The following BRIP1 variants were observed in gnomAD, a reference collection of about 807,000 sequenced individuals.
BRIP1 encodes BRCA1 interacting DNA helicase 1.
BRIP1 carries 88 observed loss-of-function variants against 119.7 expected under a neutral mutation model. That is an observed-to-expected ratio of 0.74 (90% CI 0.62 to 0.88). The LOEUF (loss-of-function observed/expected upper bound fraction) is 0.88. Among genes scored for constraint, BRIP1 ranks in the 40% least tolerant of loss-of-function variants. BRIP1 has a pLI of 0.00. For synonymous variants in BRIP1, 443 were observed against 496.5 expected, an observed-to-expected ratio of 0.89 and a Z score of 1.43; for missense variants, 1,259 against 1,455.4, an observed-to-expected ratio of 0.87 and a Z score of 2.20.
rs1255976151 is a variant in BRIP1 at position 61,745,779 on chromosome 17, C to T, written c.2098-1188G>A. On this transcript the variant is annotated intron_variant, in intron 14 of 19. Transcript: ENST00000259008. The surrounding 1 kb of genome is among the most constrained non-coding windows in gnomAD (Gnocchi z 4.4). Reference sequence around the variant, plus strand: ...AGCACTCACAATTCGAAACATGTGGCATACAGCAATGGCAATACATGGAAA... The same window carrying T: ...AGCACTCACAATTCGAAACATGTGGTATACAGCAATGGCAATACATGGAAA... Among the ~76,000 whole-genome samples, 1 of 152,026 alleles carries T rather than the reference C, an allele frequency of 6.6e-6. No individual in the cohort carries two copies. Among genetic ancestry groups the T allele is most frequent in the Non-Finnish European group, 1.5e-5 (1 of 68,010 alleles).
chr17:61,849,297 C>G (rs759829023), intron 4 of BRIP1, 41 bp from the exon 5 acceptor site: 1 of 1,564,806 alleles, frequency 6.4e-7, no homozygotes, highest in South Asian at 1.2e-5. Flanking sequence ...AAATAACTTA[C>G]AGGTAGGCAA....
At chr17:61,716,830 GGA>G (rs2061883140) in intron 16 of BRIP1, among the ~76,000 whole-genome samples, 1 of 151,158 alleles carries the variant, frequency 6.6e-6, no homozygotes, top group Non-Finnish European at 1.5e-5. Flanking sequence ...TTCCACTACT[GGA>G]TTATTAGCTA....
intron 6 of BRIP1, among the ~76,000 whole-genome samples, chr17:61,833,331 T>C (rs575361216): frequency 1.9e-4 from 29 of 152,252 alleles, no homozygotes; most frequent in African/African-American, 6.7e-4. Flanking sequence ...GAATTAAACA[T>C]TTCCACCATA....
chr17:61,772,418 A>G (rs2077469416), intron 14 of BRIP1, among the ~76,000 whole-genome samples: 1 of 151,836 alleles, frequency 6.6e-6, no homozygotes. Context: ...GAATCTGGGG[A>G]GTTATTTTGT....
rs1280489391 is a variant in BRIP1 at position 61,684,805 on chromosome 17, G to A, written c.2906-665C>T. On this transcript the variant is annotated intron_variant, in intron 19 of 19. Transcript: ENST00000259008. The surrounding 1 kb of genome is among the most constrained non-coding windows in gnomAD (Gnocchi z 4.5). The stretch of plus-strand genomic sequence containing the variant: ...TTTTGCTTTTGTTGCCCAGGCTGGA[G>A]TGCAATGGCGCAATCCTGGCTCACT... 1 of 152,002 alleles carries A rather than the reference G, an allele frequency of 6.6e-6. No homozygotes were observed. The highest frequency in any genetic ancestry group is 2.4e-5 in the African/African-American group (1 of 41,354). 9.4% of individuals were successfully genotyped at this position (152,002 alleles called of 1,614,324 possible).
chr17:61,847,220 T>C lies in BRIP1; in HGVS notation c.508A>G (p.Ile170Val), dbSNP rs1603361718. 1 of 1,613,864 alleles carries C rather than the reference T, an allele frequency of 6.2e-7. No homozygotes were observed. The highest frequency in any genetic ancestry group is 8.5e-7 in the Non-Finnish European group (1 of 1,179,838). ...GTTCCAAAGCAATGACGTTTTCTAA[T>C]CTGTAAACACAGAACCAAAATGAAG... ...RIRPLETTQQIRKRHCFGTEV... is the reference protein window; with the variant it reads ...RIRPLETTQQVRKRHCFGTEV... Residue 170 changes from isoleucine to valine, a missense_variant and splice_region_variant, in exon 6 of 20, where the codon ATT (isoleucine) becomes GTT (valine). Coordinates refer to ENST00000259008, the MANE Select transcript of BRIP1 (RefSeq NM_032043.3).
Position 61,815,667 on chromosome 17 carries a change from C to T in BRIP1, c.628-6910G>A, listed in dbSNP as rs2078225902. ...GAAGAATTCAAATTCCCACAAAATA[C>T]ACAATAAATTTGTGGAGAAGTTGAA... On this transcript the variant is annotated intron_variant, in intron 6 of 19. Transcript: ENST00000259008. The surrounding 1 kb of genome is among the most constrained non-coding windows in gnomAD (Gnocchi z 4.1). Among the ~76,000 whole-genome samples the T allele has an allele frequency of 6.6e-6, 1 of 152,130 alleles. No individual in the cohort carries two copies. Among genetic ancestry groups the T allele is most frequent in the African/African-American group, 2.4e-5 (1 of 41,440 alleles).
At position 61,754,219 on chromosome 17, in the gene BRIP1, G is replaced by A. The variant is rs1211653986; in HGVS notation, c.2098-9628C>T. On this transcript the variant is annotated intron_variant, in intron 14 of 19. Transcript: ENST00000259008. The surrounding 1 kb of genome is among the most constrained non-coding windows in gnomAD (Gnocchi z 4.1). ...TCTTACTGTGGTGTGATTTTACCCA[G>A]CTATTTCTTTGGCCGTATCTCCTTC... 2.0e-5 allele frequency among the ~76,000 whole-genome samples: 3 copies of A among 152,204 alleles called. No homozygotes were observed. The highest frequency in any genetic ancestry group is 3.4e-3 in the Middle Eastern group (1 of 294).
At position 61,853,278 on chromosome 17, in the gene BRIP1, G is replaced by C. The variant is rs1379745208; in HGVS notation, c.379+3780C>G. Reference sequence around the variant, plus strand: ...AGTTTCACTCTATTTCTGTAAAAAGGCAAAACTCATCAATGGTCACAGGAG... The same window carrying C: ...AGTTTCACTCTATTTCTGTAAAAAGCCAAAACTCATCAATGGTCACAGGAG... On this transcript the variant is annotated intron_variant, in intron 4 of 19. Transcript: ENST00000259008. This position sits in a 1 kb window ranked among gnomAD's most constrained non-coding sequence, Gnocchi z 4.3. 6.6e-6 allele frequency among the ~76,000 whole-genome samples: 1 copy of C among 151,456 alleles called. No homozygotes were observed. Among genetic ancestry groups the C allele is most frequent in the African/African-American group, 2.4e-5 (1 of 41,210 alleles).
In BRIP1 at chr17:61,681,302, C is replaced by G. The variant is rs2061266549; in HGVS notation, c.*1994G>C. On this transcript the variant is annotated 3_prime_UTR_variant, in exon 20 of 20. Transcript: ENST00000259008. The surrounding 1 kb of genome is among the most constrained non-coding windows in gnomAD (Gnocchi z 5.1). ...AATGAAATAATATGCTTTATTTTAA[C>G]CGTTCTGGAACAAAAGCAAATGAAA... The G allele has an allele frequency of 4.7e-6, 1 of 210,726 alleles. No individual in the cohort carries two copies. Among genetic ancestry groups the G allele is most frequent in the South Asian group, 1.9e-4 (1 of 5,314 alleles). The allele number at this position is 210,726 out of a possible 1,614,324, so 13.1% of individuals were successfully genotyped here.
rs1457595655 is a variant in BRIP1, at chr17:61,853,846, C to A, written c.379+3212G>T. 6.6e-6 allele frequency among the ~76,000 whole-genome samples: 1 copy of A among 152,006 alleles called. No homozygotes were observed. The highest frequency in any genetic ancestry group is 1.5e-5 in the Non-Finnish European group (1 of 67,996). ...GTCTCAAAATTTAACAGTAAGAACA[C>A]AAACTAATAAAAAATAGGCAATTAT... On this transcript the variant is annotated intron_variant, in intron 4 of 19. Coordinates refer to ENST00000259008, the MANE Select transcript of BRIP1 (RefSeq NM_032043.3). This position sits in a 1 kb window ranked among gnomAD's most constrained non-coding sequence, Gnocchi z 4.3.
chr17:61,731,276 C>T (rs1010711508), intron 16 of BRIP1, among the ~76,000 whole-genome samples: 2 of 152,146 alleles, frequency 1.3e-5, no homozygotes, highest in Non-Finnish European at 2.9e-5. Flanking sequence ...AGTATTACAG[C>T]ACTTTAAGTT....
chr17:61,741,699 A>C (rs1309968519), intron 16 of BRIP1, among the ~76,000 whole-genome samples: 2 of 152,232 alleles, frequency 1.3e-5, no homozygotes, highest in Non-Finnish European at 2.9e-5. Context: ...TGAGGAGTAG[A>C]TCTCAATAAT....
Position 61,735,669 on chromosome 17 carries a change from C to T in BRIP1, c.2379+7344G>A, listed in dbSNP as rs2076907809. The stretch of plus-strand genomic sequence containing the variant: ...TTTAAAAATTAGCTGGGTGTGGTGG[C>T]GTGTGGCTGTAGTGCCAGCTACCCA... On this transcript the variant is annotated intron_variant, in intron 16 of 19. Transcript: ENST00000259008. The surrounding 1 kb of genome is among the most constrained non-coding windows in gnomAD (Gnocchi z 4.4). 6.6e-6 allele frequency among the ~76,000 whole-genome samples: 1 copy of T among 151,378 alleles called. No individual in the cohort carries two copies. The highest frequency in any genetic ancestry group is 6.6e-5 in the Admixed American group (1 of 15,206).
chr17:61,714,877 C>T (rs2061835851), intron 17 of BRIP1, among the ~76,000 whole-genome samples: 1 of 148,766 alleles, frequency 6.7e-6, no homozygotes, highest in Admixed American at 6.7e-5. Context: ...TTTTGGCTCA[C>T]TGCAACCCCC....
chr17:61,787,190 T>A (rs2077735260), intron 10 of BRIP1, among the ~76,000 whole-genome samples: 1 of 87,140 alleles, frequency 1.1e-5, no homozygotes. Flanking sequence ...AAATATATTA[T>A]ATACTATATA....
Position 61,687,687 on chromosome 17 carries a change from G to A in BRIP1, c.2576-1522C>T, listed in dbSNP as rs1206761159. The stretch of plus-strand genomic sequence containing the variant: ...CCATAGCTCTTTAGTAATCACTCCT[G>A]GTATTGACTCTGAAAACTGTTTACT... On this transcript the variant is annotated intron_variant, in intron 18 of 19. Coordinates refer to ENST00000259008, the MANE Select transcript of BRIP1 (RefSeq NM_032043.3). This position sits in a 1 kb window ranked among gnomAD's most constrained non-coding sequence, Gnocchi z 5.1. 6.6e-6 allele frequency among the ~76,000 whole-genome samples: 1 copy of A among 151,892 alleles called. No individual in the cohort carries two copies. Among genetic ancestry groups the A allele is most frequent in the Non-Finnish European group, 1.5e-5 (1 of 67,990 alleles).
rs1409262558 is a variant in BRIP1, at chr17:61,810,814, AC to A, written c.628-2058del. 1.3e-5 allele frequency among the ~76,000 whole-genome samples: 2 copies of A among 152,182 alleles called. No homozygotes were observed. Among genetic ancestry groups the A allele is most frequent in the African/African-American group, 4.8e-5 (2 of 41,446 alleles). ...GAATAATTTAGTGTATAACTTACTGACCTTCATATATACATATCTTTCATAT... is the reference window on the plus strand; with the variant it reads ...GAATAATTTAGTGTATAACTTACTGACTTCATATATACATATCTTTCATAT... On this transcript the variant is annotated intron_variant, in intron 6 of 19. Coordinates refer to ENST00000259008, the MANE Select transcript of BRIP1 (RefSeq NM_032043.3). This position sits in a 1 kb window ranked among gnomAD's most constrained non-coding sequence, Gnocchi z 4.7.
rs1166173822 is a variant in BRIP1 at position 61,769,529 on chromosome 17, A to G, written c.2097+6872T>C. ...AACGGTACTGACAAAAGATTATAAT[A>G]ATGTGCTAGTTTGCTCTTATGACTA... On this transcript the variant is annotated intron_variant, in intron 14 of 19. Transcript: ENST00000259008. This position sits in a 1 kb window ranked among gnomAD's most constrained non-coding sequence, Gnocchi z 4.9. 6.6e-6 allele frequency among the ~76,000 whole-genome samples: 1 copy of G among 152,210 alleles called. No homozygotes were observed. Among genetic ancestry groups the G allele is most frequent in the Admixed American group, 6.6e-5 (1 of 15,264 alleles).
Sources: allele counts gnomAD v4.1 joint callset (sites outside exome capture counted in the v4.1 genomes callset), GRCh38; gene constraint gnomAD v4.1.1; non-coding constraint Gnocchi (gnomAD v3.1); transcripts MANE v1.5; gene names NCBI Gene and HGNC (gene_info 2026-07-23, HGNC 2026-07-21).